The following ZNF205 variants were observed in gnomAD, a reference collection of about 807,000 sequenced individuals.
ZNF205 encodes the protein transcriptional repressor RHIT.
ZNF205 carries 32 observed loss-of-function variants against 53.6 expected under a neutral mutation model. That is an observed-to-expected ratio of 0.60 (90% confidence interval 0.45 to 0.80). The LOEUF (loss-of-function observed/expected upper bound fraction) is 0.80, where lower values mean the gene tolerates loss of function less well. Among genes scored for constraint, ZNF205 ranks in the 30% least tolerant of loss-of-function variants. The pLI is 0.00. For synonymous variants in ZNF205, 382 were observed against 334.3 expected, an observed-to-expected ratio of 1.14 and a Z score of -1.56; for missense variants, 836 against 782.4, an observed-to-expected ratio of 1.07 and a Z score of -0.82.
chr16:3,120,133 C>CA lies in ZNF205; in HGVS notation c.1474dup (p.Thr492AsnfsTer123). The CA allele has an allele frequency of 6.2e-7, 1 of 1,612,828 alleles. No homozygotes were observed. Among genetic ancestry groups the CA allele is most frequent in the South Asian group, 1.1e-5 (1 of 91,002 alleles). On this transcript the variant is annotated frameshift_variant, in exon 7 of 7. Coordinates refer to ENST00000219091, the MANE Select transcript of ZNF205 (RefSeq NM_001042428.2). LOFTEE classifies it high-confidence loss of function. ...AGAGCTTCAGCCACAGCTCGCACCT[C>CA]ACCGCGCACCAGCGCACCCACCGTG...
At chr16:3,116,388 C>G (rs199669748) in intron 4 of ZNF205, 39 bp from the exon 5 acceptor site, 1 of 1,611,398 alleles carries the variant, frequency 6.2e-7, no homozygotes, top group Non-Finnish European at 8.5e-7. Flanking sequence ...ACCGTGTCCA[C>G]GTCATGTCCT....
intron 6 of ZNF205, 114 bp downstream of exon 6, chr16:3,119,129 G>A (rs1957384591): frequency 2.7e-6 from 4 of 1,496,594 alleles, no homozygotes; most frequent in Admixed American, 2.2e-5. Context: ...GGCGGTTTGC[G>A]CCCAGGGCGG....
rs1957393034 is a variant in ZNF205 at position 3,119,577 on chromosome 16, AGAGCTACCGGTGC to A, written c.922_934del (p.Tyr308SerfsTer13). 19 of 1,608,834 alleles carry A rather than the reference AGAGCTACCGGTGC, an allele frequency of 1.2e-5. No homozygotes were observed. Among genetic ancestry groups the A allele is most frequent in the Non-Finnish European group, 1.6e-5 (19 of 1,178,040 alleles). The stretch of plus-strand genomic sequence containing the variant: ...GCCCCTGACAGTGAGGTGGGCAGGA[AGAGCTACCGGTGC>A]GAGCAGTGCGGCAAGGGCTTCAGCT... On this transcript the variant is annotated frameshift_variant, in exon 7 of 7. Transcript: ENST00000219091. LOFTEE classifies it high-confidence loss of function.
chr16:3,119,690 C>G lies in ZNF205; in HGVS notation c.1030C>G (p.Arg344Gly), dbSNP rs781108183. 3 of 1,611,452 alleles carry G rather than the reference C, an allele frequency of 1.9e-6. No individual in the cohort carries two copies. Among genetic ancestry groups the G allele is most frequent in the Non-Finnish European group, 2.5e-6 (3 of 1,179,270 alleles). The change falls in exon 7 of 7, where the codon CGC (arginine) becomes GGC (glycine). Residue 344 changes from arginine to glycine, a missense_variant. By Grantham distance (125) the Arg-to-Gly change is moderately radical (BLOSUM62 -2). Coordinates refer to ENST00000219091, the MANE Select transcript of ZNF205 (RefSeq NM_001042428.2). ...CTACGCCTGCACTGACTGCGGGAAG[C>G]GCTTCGGCCGCAGCTCGCACCTCAT... Reference protein sequence around the residue: ...KPYACTDCGKRFGRSSHLIQH... With the variant: ...KPYACTDCGKGFGRSSHLIQH...
chr16:3,117,340 G>A (rs1009672774), intron 5 of ZNF205, among the ~76,000 whole-genome samples: 3 of 151,666 alleles, frequency 2.0e-5, no homozygotes, highest in South Asian at 2.1e-4. Context: ...CCCAGGCCCC[G>A]CAGACCCTTG....
At position 3,120,391 on chromosome 16, in the gene ZNF205, C is replaced by T. The variant is rs1957413988; in HGVS notation, c.*66C>T. 1 of 1,434,130 alleles carries T rather than the reference C, an allele frequency of 7.0e-7. No homozygotes were observed. Among genetic ancestry groups the T allele is most frequent in the Non-Finnish European group, 9.1e-7 (1 of 1,096,664 alleles). 88.8% of individuals were successfully genotyped at this position (1,434,130 alleles called of 1,614,324 possible). ...AACAGCCCCACTGGAGTCAAGGCTC[C>T]GAGGGAGGAGAGAGGGGCTCGGGAA... On this transcript the variant is annotated 3_prime_UTR_variant, in exon 7 of 7. Coordinates refer to ENST00000219091, the MANE Select transcript of ZNF205 (RefSeq NM_001042428.2).
chr16:3,119,569 G>T lies in ZNF205; in HGVS notation c.909G>T (p.Val303=). 1 of 1,608,506 alleles carries T rather than the reference G, an allele frequency of 6.2e-7. No homozygotes were observed. Among genetic ancestry groups the T allele is most frequent in the South Asian group, 1.1e-5 (1 of 90,532 alleles). The stretch of plus-strand genomic sequence containing the variant: ...AGGGCCTGGCCCCTGACAGTGAGGT[G>T]GGCAGGAAGAGCTACCGGTGCGAGC... ...GEEGLAPDSE[V]GRKSYRCEQC... is the part of the protein sequence containing the mutation. Residue 303 remains valine, a synonymous_variant, in exon 7 of 7, where the codon GTG becomes GTT. Transcript: ENST00000219091.
Position 3,116,532 on chromosome 16 carries a change from A to C in ZNF205, c.469A>C (p.Asn157His). The C allele has an allele frequency of 6.2e-7, 1 of 1,613,788 alleles. No homozygotes were observed. Among genetic ancestry groups the C allele is most frequent in the Non-Finnish European group, 8.5e-7 (1 of 1,179,890 alleles). Reference sequence around the variant, plus strand: ...CTACAGGGATGTCCTGCAGAAGAAAAATGGGCTGTCACTGGGTAAGCACTC... The same window carrying C: ...CTACAGGGATGTCCTGCAGAAGAAACATGGGCTGTCACTGGGTAAGCACTC... ...NFYRDVLQKK[N>H]GLSLGFPFSR... The change falls in exon 5 of 7, where the codon AAT (asparagine) becomes CAT (histidine). Residue 157 changes from asparagine to histidine, a missense_variant. Transcript: ENST00000219091.
At chr16:3,116,230 C>A in intron 4 of ZNF205, 197 bp from the exon 5 acceptor site, 5 of 744,880 alleles carry the variant, frequency 6.7e-6, no homozygotes, top group Non-Finnish European at 1.1e-5. Context: ...CCTGAAAATA[C>A]CTCTTGGTCT....
chr16:3,119,495 C>T lies in ZNF205; in HGVS notation c.835C>T (p.Pro279Ser). ...CACGGAGCCCCAGGAGTACCGCGTC[C>T]CGGAGAAGCCCAACGAGGAGGAGAA... ...SPTEPQEYRVPEKPNEEEKGA... is the reference protein window; with the variant it reads ...SPTEPQEYRVSEKPNEEEKGA... The change falls in exon 7 of 7, where the codon CCG becomes TCG. Residue 279 changes from proline to serine, a missense_variant. By Grantham distance (74) the Pro-to-Ser change is moderately conservative. Coordinates refer to ENST00000219091, the MANE Select transcript of ZNF205 (RefSeq NM_001042428.2). 1 of 1,593,882 alleles carries T rather than the reference C, an allele frequency of 6.3e-7. No homozygotes were observed.
rs71158135 is a variant in ZNF205, at chr16:3,118,012, C to CTTTTTT, written c.485-875_485-870dup. Among the ~76,000 whole-genome samples the CTTTTTT allele has an allele frequency of 1.3e-3, 94 of 74,288 alleles. 4 individuals carry two copies. Among genetic ancestry groups the CTTTTTT allele is most frequent in the African/African-American group, 2.8e-3 (49 of 17,594 alleles). The allele number at this position is 74,288 out of a possible 152,430, so 48.7% of individuals were successfully genotyped here. On this transcript the variant is annotated intron_variant, in intron 5 of 6. Transcript: ENST00000219091. Reference sequence around the variant, plus strand: ...TACAGGTGCCCACCACCATGCCCGGCTTTTTTTTTTTTTTTTTTTTTTTGT... The same window carrying CTTTTTT: ...TACAGGTGCCCACCACCATGCCCGGCTTTTTTTTTTTTTTTTTTTTTTTTTTTTTGT...
At chr16:3,118,809 C>A in intron 5 of ZNF205, 96 bp from the exon 6 acceptor site, 1 of 1,313,556 alleles carries the variant, frequency 7.6e-7, no homozygotes, top group Non-Finnish European at 1.0e-6. Context: ...TCCAGAGCCT[C>A]ACCCCCTACT....
Position 3,115,699 on chromosome 16 carries a change from C to T in ZNF205, c.272-130C>T, listed in dbSNP as rs1205919946. On this transcript the variant is annotated intron_variant, in intron 3 of 6. Transcript: ENST00000219091. Reference sequence around the variant, plus strand: ...GACGCTATCCCCCCATGGCCCACAGCCCCCTGGCAGCGTCAGAGCCATCCG... The same window carrying T: ...GACGCTATCCCCCCATGGCCCACAGTCCCCTGGCAGCGTCAGAGCCATCCG... 12 of 1,376,820 alleles carry T rather than the reference C, an allele frequency of 8.7e-6. No individual in the cohort carries two copies. The Admixed American group carries it at 2.7e-4, about 31-fold the overall frequency. The allele number at this position is 1,376,820 out of a possible 1,614,324, so 85.3% of individuals were successfully genotyped here.
Position 3,118,903 on chromosome 16 carries a change from AG to A in ZNF205, c.485del. 5.6e-6 allele frequency: 9 copies of A among 1,613,126 alleles called. No individual in the cohort carries two copies. Among genetic ancestry groups the A allele is most frequent in the Non-Finnish European group, 7.6e-6 (9 of 1,179,720 alleles). ...GACAGCACAGCATCTCTTTCTGGGCAGGCTTTCCCTTCAGCAGGCCTTTCTG... is the reference window on the plus strand; with the variant it reads ...GACAGCACAGCATCTCTTTCTGGGCAGCTTTCCCTTCAGCAGGCCTTTCTG... On this transcript the variant is annotated splice_acceptor_variant, in intron 5 of 6. Coordinates refer to ENST00000219091, the MANE Select transcript of ZNF205 (RefSeq NM_001042428.2). LOFTEE classifies it high-confidence loss of function.
At chr16:3,113,750 G>A (rs1957302176) in intron 2 of ZNF205, among the ~76,000 whole-genome samples, 1 of 152,204 alleles carries the variant, frequency 6.6e-6, no homozygotes, top group Non-Finnish European at 1.5e-5. Context: ...TTCTTTCTGA[G>A]CAGCGCTCAG....
At chr16:3,116,399 G>A in intron 4 of ZNF205, 28 bp from the exon 5 acceptor site, 5 of 1,613,488 alleles carry the variant, frequency 3.1e-6, no homozygotes, top group Non-Finnish European at 4.2e-6. Context: ...GTCATGTCCT[G>A]GAGAGTGGAT....
At chr16:3,113,622 T>G in intron 2 of ZNF205, 135 bp downstream of exon 2, 2 of 927,636 alleles carry the variant, frequency 2.2e-6, no homozygotes, top group Non-Finnish European at 3.2e-6. Context: ...GGTGGCATGC[T>G]GGGTAGTACC....
At chr16:3,113,892 G>A (rs1003250107) in intron 2 of ZNF205, among the ~76,000 whole-genome samples, 9 of 151,954 alleles carry the variant, frequency 5.9e-5, no homozygotes, top group South Asian at 2.1e-4. Flanking sequence ...TGCGTGCGTG[G>A]TTGAGTGTGT....
At position 3,120,340 on chromosome 16, in the gene ZNF205, G is replaced by T. The variant is rs538371636; in HGVS notation, c.*15G>T. On this transcript the variant is annotated 3_prime_UTR_variant, in exon 7 of 7. Transcript: ENST00000219091. The stretch of plus-strand genomic sequence containing the variant: ...CTCCCACCTAGGAGGCCAGGAAAGG[G>T]GGAGCGGGGCGCCCAGGGCCACTGG... The T allele has an allele frequency of 1.3e-4, 199 of 1,498,240 alleles. No homozygotes were observed. The African/African-American group carries it at 2.6e-3, about 20-fold the overall frequency. The allele number at this position is 1,498,240 out of a possible 1,614,324, so 92.8% of individuals were successfully genotyped here. A position where few individuals can be genotyped will look rare whatever the true frequency, so the allele number is the denominator to read the frequency against.
Sources: gnomAD v4.1 joint callset for allele counts (sites outside exome capture counted in the v4.1 genomes callset) on GRCh38, gnomAD v4.1.1 for gene constraint, MANE v1.5 for transcripts, NCBI Gene and HGNC (gene_info 2026-07-23, HGNC 2026-07-21) for gene names.